Variants in BMPER observed in about 807,000 individuals in gnomAD.
BMPER encodes BMP-binding endothelial regulator protein.
In BMPER, 45 loss-of-function variants were observed where a neutral mutation model predicts 87.3. That is an observed-to-expected ratio of 0.52 (90% CI 0.41 to 0.66). BMPER has a LOEUF of 0.66. Ranked by LOEUF, BMPER falls within the 30% of genes least tolerant of loss-of-function variation. The pLI is 0.00. For missense variants in BMPER, 784 were observed against 867.5 expected, an observed-to-expected ratio of 0.90 and a Z score of 1.21; for synonymous variants, 326 against 316.2, an observed-to-expected ratio of 1.03 and a Z score of -0.33.
At chr7:34,015,866 A>G (rs191861551) in intron 6 of BMPER, among the ~76,000 whole-genome samples, 20 of 152,038 alleles carry the variant, frequency 1.3e-4, no homozygotes, top group Admixed American at 9.2e-4. Context: ...CTCAGCCACA[A>G]TGCTCCTGAA....
At chr7:33,959,814 G>A (rs1036938376) in intron 3 of BMPER, among the ~76,000 whole-genome samples, 2 of 152,060 alleles carry the variant, frequency 1.3e-5, no homozygotes, top group Non-Finnish European at 2.9e-5. Flanking sequence ...ATACTATAAA[G>A]TTATGCGACT....
chr7:33,913,241 G>A lies in BMPER; in HGVS notation c.219+6338G>A, dbSNP rs146099809. Reference sequence around the variant, plus strand: ...TGCTTGGGACTGTGGAAATGGCAGCGTCTATTGTGCCCAAAGCTGTGATGG... The same window carrying A: ...TGCTTGGGACTGTGGAAATGGCAGCATCTATTGTGCCCAAAGCTGTGATGG... On this transcript the variant is annotated intron_variant, in intron 2 of 14. Transcript: ENST00000649409. Among the ~76,000 whole-genome samples the A allele has an allele frequency of 2.3e-4, 35 of 152,268 alleles. No homozygotes were observed. In the East Asian group the frequency reaches 5.8e-3, roughly 25 times the overall value.
chr7:33,946,445 A>G (rs529106163), intron 3 of BMPER, among the ~76,000 whole-genome samples: 1 of 152,320 alleles, frequency 6.6e-6, no homozygotes, highest in East Asian at 1.9e-4. Flanking sequence ...GTAAAAGGTA[A>G]TCACATTCAA....
chr7:33,954,765 G>A (rs1353226309), intron 3 of BMPER, among the ~76,000 whole-genome samples: 1 of 152,190 alleles, frequency 6.6e-6, no homozygotes, highest in Admixed American at 6.5e-5. Context: ...GCTTGGATGA[G>A]GTGTGGGCTT....
intron 6 of BMPER, among the ~76,000 whole-genome samples, chr7:33,990,033 T>C (rs1786158734): frequency 6.6e-6 from 1 of 151,840 alleles, no homozygotes; most frequent in South Asian, 2.1e-4. Flanking sequence ...GTAGTATAGT[T>C]TGAAGTCAGG....
At chr7:33,921,934 A>G (rs1375804622) in intron 2 of BMPER, 1 of 447,532 alleles carries the variant, frequency 2.2e-6, no homozygotes, top group East Asian at 7.2e-5. Flanking sequence ...AACCCCTTCG[A>G]CTCCTCAAAA....
rs35451161 is a variant in BMPER, at chr7:33,928,639, C to CAAAA, written c.220-8632_220-8629dup. ...TGTTCCGTGAGTTTCTTGAAAAAGC[C>CAAAA]AAAAAAAAAAAAAAAAAAAAAGCCA... On this transcript the variant is annotated intron_variant, in intron 2 of 14. Coordinates refer to ENST00000649409, the MANE Select transcript of BMPER (RefSeq NM_001365308.1). 8.4e-3 allele frequency among the ~76,000 whole-genome samples: 410 copies of CAAAA among 48,998 alleles called. 3 individuals carry two copies. Among genetic ancestry groups the CAAAA allele is most frequent in the Non-Finnish European group, 9.6e-3 (273 of 28,394 alleles). 32.1% of individuals were successfully genotyped at this position (48,998 alleles called of 152,430 possible).
At chr7:33,977,942 C>T (rs931221796) in intron 6 of BMPER, among the ~76,000 whole-genome samples, 8 of 152,100 alleles carry the variant, frequency 5.3e-5, no homozygotes, top group African/African-American at 1.9e-4. Flanking sequence ...ACAGAAGGCT[C>T]TGGCAGAAGA....
At chr7:33,954,614 A>G (rs1785106608) in intron 3 of BMPER, among the ~76,000 whole-genome samples, 1 of 152,240 alleles carries the variant, frequency 6.6e-6, no homozygotes, top group Non-Finnish European at 1.5e-5. Context: ...CTTTTTAACC[A>G]GAGTTACTAA....
chr7:34,120,203 C>T (rs1475147683), intron 13 of BMPER, among the ~76,000 whole-genome samples: 1 of 152,136 alleles, frequency 6.6e-6, no homozygotes, highest in Non-Finnish European at 1.5e-5. Context: ...ATTTAATAGA[C>T]ATATTTAAAA....
chr7:34,057,041 T>C (rs1562715122), intron 9 of BMPER, among the ~76,000 whole-genome samples: 1 of 152,218 alleles, frequency 6.6e-6, no homozygotes. Context: ...AGGTGTCCTT[T>C]AAGGCAGATT....
chr7:34,150,726 A>C (rs1395844063), intron 14 of BMPER, among the ~76,000 whole-genome samples: 2 of 152,160 alleles, frequency 1.3e-5, no homozygotes, highest in African/African-American at 4.8e-5. Context: ...TCACTCACCC[A>C]TGTATCCATC....
chr7:34,120,149 G>A (rs1314403539), intron 13 of BMPER, among the ~76,000 whole-genome samples: 1 of 152,154 alleles, frequency 6.6e-6, no homozygotes, highest in East Asian at 1.9e-4. Flanking sequence ...CTCAAGCTGA[G>A]AAGATGTAAA....
intron 2 of BMPER, among the ~76,000 whole-genome samples, chr7:33,933,345 A>G (rs556444497): frequency 2.0e-5 from 3 of 152,112 alleles, no homozygotes; most frequent in Non-Finnish European, 4.4e-5. Flanking sequence ...CTTTGACAGC[A>G]GGTAGACCAC....
At chr7:34,145,529 G>C (rs1379961816) in intron 14 of BMPER, among the ~76,000 whole-genome samples, 1 of 152,184 alleles carries the variant, frequency 6.6e-6, no homozygotes, top group Non-Finnish European at 1.5e-5. Flanking sequence ...TCAGTGCTGG[G>C]TAGAATATGT....
At chr7:34,153,008 G>T in intron 14 of BMPER, 84 bp from the exon 15 acceptor site, 1 of 1,492,480 alleles carries the variant, frequency 6.7e-7, no homozygotes, top group South Asian at 1.1e-5. Context: ...GAAGTGTCAT[G>T]AGCCTGCAAG....
chr7:34,007,865 T>C (rs2127939135), intron 6 of BMPER, among the ~76,000 whole-genome samples: 1 of 152,094 alleles, frequency 6.6e-6, no homozygotes, highest in South Asian at 2.1e-4. Context: ...GTTAATTGTT[T>C]TAGGGTACTG....
At position 34,153,091 on chromosome 7, in the gene BMPER, G is replaced by A. The variant is rs1255158794; in HGVS notation, c.1877-1G>A. ...TGCCTTTGTCTCCTTCTCTTTTTCAGCCACCCAGTGTAAGCATGGTGCTGT... is the reference window on the plus strand; with the variant it reads ...TGCCTTTGTCTCCTTCTCTTTTTCAACCACCCAGTGTAAGCATGGTGCTGT... On this transcript the variant is annotated splice_acceptor_variant, in intron 14 of 14. Coordinates refer to ENST00000649409, the MANE Select transcript of BMPER (RefSeq NM_001365308.1). LOFTEE classifies it high-confidence loss of function. 1 of 1,613,824 alleles carries A rather than the reference G, an allele frequency of 6.2e-7. No homozygotes were observed. Among genetic ancestry groups the A allele is most frequent in the Non-Finnish European group, 8.5e-7 (1 of 1,179,888 alleles).
At chr7:33,977,132 T>A (rs1470497421) in intron 6 of BMPER, among the ~76,000 whole-genome samples, 1 of 152,210 alleles carries the variant, frequency 6.6e-6, no homozygotes, top group East Asian at 1.9e-4. Context: ...CATTTGTGTG[T>A]CAGTTTGGGT....
Sources: gnomAD v4.1 joint callset for allele counts (sites outside exome capture counted in the v4.1 genomes callset) on GRCh38, gnomAD v4.1.1 for gene constraint, MANE v1.5 for transcripts, NCBI Gene and HGNC (gene_info 2026-07-23, HGNC 2026-07-21) for gene names.